Variants in NDE1 observed in about 807,000 individuals in gnomAD.
The protein encoded by NDE1 is nuclear distribution protein nudE homolog 1.
Under a neutral mutation model 43.4 loss-of-function variants are expected in NDE1, and 28 were observed. The observed-to-expected ratio is 0.65, with a 90% CI of 0.48 to 0.89. The LOEUF (loss-of-function observed/expected upper bound fraction) is 0.89. Ranked by LOEUF, NDE1 falls within the 40% of genes least tolerant of loss-of-function variation. The pLI, the probability that NDE1 is intolerant of heterozygous loss-of-function variation, is 0.00. For missense variants in NDE1, 441 were observed against 434.1 expected (o/e 1.02, Z -0.14); for synonymous variants, 184 against 172.0 (o/e 1.07, Z -0.55).
chr16:15,653,360 G>T lies in NDE1; in HGVS notation c.-44+3066G>T, dbSNP rs146152868. Among the ~76,000 whole-genome samples, 18 of 152,302 alleles carry T rather than the reference G, an allele frequency of 1.2e-4. No individual in the cohort carries two copies. The East Asian group carries it at 2.9e-3, about 25-fold the overall frequency. On this transcript the variant is annotated intron_variant, in intron 1 of 8. Transcript: ENST00000396354. ...AAGCACAAAGACAGAAGCCAGGCTT[G>T]CTGACTCTTGACTGATGTTGCCCCA... is the stretch of plus-strand genomic sequence containing the variant.
chr16:15,718,321 T>C lies in NDE1; in HGVS notation c.948-5870T>C, dbSNP rs776233378. 13 of 1,609,038 alleles carry C rather than the reference T, an allele frequency of 8.1e-6. No individual in the cohort carries two copies. Among genetic ancestry groups the C allele is most frequent in the South Asian group, 6.6e-5 (6 of 91,054 alleles). On this transcript the variant is annotated intron_variant, in intron 8 of 8. Transcript: ENST00000396354. ...GTGTCCAGGCGGCCCTCACCTGCTG[T>C]GTGGCTTTGCGGACCCGGTCGCTCA...
At chr16:15,717,014 T>C in intron 8 of NDE1, 1 of 1,015,708 alleles carries the variant, frequency 9.8e-7, no homozygotes, top group Non-Finnish European at 1.6e-6. Context: ...ACCTGCACTG[T>C]AGGCATCACA....
intron 5 of NDE1, among the ~76,000 whole-genome samples, chr16:15,688,689 CTTTT>C (rs1194565114): frequency 2.5e-3 from 149 of 59,970 alleles, no homozygotes; most frequent in East Asian, 8.3e-3. Context: ...TTGTTTTTAC[CTTTT>C]TTTTTTTTTT....
chr16:15,660,877 C>T (rs1056662647), intron 1 of NDE1, among the ~76,000 whole-genome samples: 1 of 152,156 alleles, frequency 6.6e-6, no homozygotes, highest in African/African-American at 2.4e-5. Context: ...TTCTCTGCCT[C>T]CTTCGGTTAC....
rs766417351 is a variant in NDE1 at position 15,714,903 on chromosome 16, C to T, written c.948-9288C>T. ...ACGGGGTCCTCCCGGGCCACGGGCTCCTCACCTGAGCTTGCTCTTGAGTGC... is the reference window on the plus strand; with the variant it reads ...ACGGGGTCCTCCCGGGCCACGGGCTTCTCACCTGAGCTTGCTCTTGAGTGC... On this transcript the variant is annotated intron_variant, in intron 8 of 8. Coordinates refer to ENST00000396354, the MANE Select transcript of NDE1 (RefSeq NM_017668.3). The T allele has an allele frequency of 9.9e-6, 16 of 1,613,582 alleles. No homozygotes were observed. Among genetic ancestry groups the T allele is most frequent in the Non-Finnish European group, 1.3e-5 (15 of 1,180,010 alleles).
At chr16:15,645,540 T>C (rs1319788002), upstream of NDE1, among the ~76,000 whole-genome samples, 1 of 152,218 alleles carries the variant, frequency 6.6e-6, no homozygotes, top group Non-Finnish European at 1.5e-5. Flanking sequence ...CAAATACTTT[T>C]AAAAGAAATG....
chr16:15,694,062 G>A, intron 6 of NDE1, 103 bp from the exon 7 acceptor site: 2 of 1,334,636 alleles, frequency 1.5e-6, no homozygotes, highest in African/African-American at 1.5e-5. Flanking sequence ...CCGAGGAAAG[G>A]CGTCAGTGTC....
chr16:15,707,226 G>A (rs559465739), intron 8 of NDE1, among the ~76,000 whole-genome samples: 8 of 152,184 alleles, frequency 5.3e-5, no homozygotes, highest in African/African-American at 1.7e-4. Context: ...TAGGAGAGAC[G>A]GGGTTTTACC....
intron 1 of NDE1, among the ~76,000 whole-genome samples, chr16:15,656,156 A>G (rs1002712888): frequency 1.3e-5 from 2 of 151,702 alleles, no homozygotes; most frequent in African/African-American, 4.8e-5. Flanking sequence ...AAAAAAAAAG[A>G]TTGCTGTTTT....
At chr16:15,669,486 T>A (rs1019348563) in intron 3 of NDE1, among the ~76,000 whole-genome samples, 1 of 151,518 alleles carries the variant, frequency 6.6e-6, no homozygotes, top group African/African-American at 2.4e-5. Context: ...CTCAGCCTCC[T>A]GAGTAGCTGA....
At chr16:15,659,960 G>T (rs2036966384) in intron 1 of NDE1, among the ~76,000 whole-genome samples, 1 of 151,552 alleles carries the variant, frequency 6.6e-6, no homozygotes, top group Admixed American at 6.6e-5. Context: ...TATTGGCCAG[G>T]CTGGTCTCAA....
chr16:15,704,572 T>A (rs2039347336), intron 8 of NDE1, among the ~76,000 whole-genome samples: 1 of 152,194 alleles, frequency 6.6e-6, no homozygotes, highest in East Asian at 1.9e-4. Context: ...CTTCTGTATC[T>A]CCTCACCCCC....
In NDE1 at chr16:15,714,997, G is replaced by A. The variant is rs1001859679; in HGVS notation, c.948-9194G>A. ...TCCAGCTCCCGCTGCAGCTTCCTGCGGTTGGCGTTGATGCGCTGGGACTCC... is the reference window on the plus strand; with the variant it reads ...TCCAGCTCCCGCTGCAGCTTCCTGCAGTTGGCGTTGATGCGCTGGGACTCC... On this transcript the variant is annotated intron_variant, in intron 8 of 8. Transcript: ENST00000396354. 13 of 1,613,888 alleles carry A rather than the reference G, an allele frequency of 8.1e-6. No homozygotes were observed. Among genetic ancestry groups the A allele is most frequent in the Non-Finnish European group, 1.1e-5 (13 of 1,180,028 alleles).
chr16:15,669,261 T>C (rs1161273661), intron 3 of NDE1, among the ~76,000 whole-genome samples: 13 of 150,780 alleles, frequency 8.6e-5, no homozygotes, highest in Non-Finnish European at 1.6e-4. Flanking sequence ...TGGCACAATC[T>C]CACCTCACTG....
intron 8 of NDE1, chr16:15,721,124 CG>C: frequency 6.5e-7 from 1 of 1,529,718 alleles, no homozygotes; most frequent in East Asian, 2.3e-5. Context: ...CCACCGTGAG[CG>C]GCACCTCAGG....
intron 4 of NDE1, among the ~76,000 whole-genome samples, chr16:15,683,711 GC>G (rs2038296364): frequency 1.3e-5 from 2 of 152,156 alleles, no homozygotes; most frequent in South Asian, 4.1e-4. Context: ...CAACTAGCAT[GC>G]TGACCTTTAT....
intron 3 of NDE1, among the ~76,000 whole-genome samples, chr16:15,676,848 G>T (rs1000497255): frequency 4.6e-5 from 7 of 152,080 alleles, no homozygotes; most frequent in African/African-American, 1.7e-4. Flanking sequence ...TTTTTGTAGA[G>T]GCCAGGTCTC....
chr16:15,687,639 A>C (rs1435205326), intron 5 of NDE1, 128 bp downstream of exon 5: 7 of 935,354 alleles, frequency 7.5e-6, no homozygotes, highest in Non-Finnish European at 1.2e-5. Context: ...CAGGTTGTCT[A>C]ATCAGAGGGT....
intron 3 of NDE1, among the ~76,000 whole-genome samples, chr16:15,676,940 G>A (rs79884575): frequency 0.014 from 2,101 of 152,210 alleles, 53 homozygotes; most frequent in African/African-American, 0.049. Flanking sequence ...GTGTGGATGA[G>A]GCTTGGAGAG....
Sources: gnomAD v4.1 joint callset for allele counts (sites outside exome capture counted in the v4.1 genomes callset) on GRCh38, gnomAD v4.1.1 for gene constraint, MANE v1.5 for transcripts, NCBI Gene and HGNC (gene_info 2026-07-23, HGNC 2026-07-21) for gene names.